The following DNAH14 variants were observed in gnomAD, a reference collection of about 807,000 sequenced individuals.
DNAH14 encodes the protein dynein axonemal heavy chain 14.
DNAH14 carries 478 observed loss-of-function variants against 520.9 expected under a neutral mutation model. The observed-to-expected ratio is 0.92, with a 90% CI of 0.85 to 0.99. The LOEUF (loss-of-function observed/expected upper bound fraction) is 0.99. Among genes scored for constraint, DNAH14 ranks in the 50% least tolerant of loss-of-function variants. The pLI, the probability that DNAH14 is intolerant of heterozygous loss-of-function variation, is 0.00. For synonymous variants in DNAH14, 1,581 were observed against 1,757.2 expected (o/e 0.90, Z 2.51); for missense variants, 4,831 against 5,234.5 (o/e 0.92, Z 2.38).
intron 11 of DNAH14, among the ~76,000 whole-genome samples, chr1:225,025,155 T>C (rs747605334): frequency 2.0e-5 from 3 of 150,596 alleles, no homozygotes; most frequent in Non-Finnish European, 4.4e-5. Flanking sequence ...CTAGGCAACA[T>C]GGCGAGACCC....
chr1:224,978,280 A>G (rs1246210475), intron 8 of DNAH14, among the ~76,000 whole-genome samples: 2 of 152,250 alleles, frequency 1.3e-5, no homozygotes, highest in East Asian at 3.8e-4. Flanking sequence ...CAACAGATGA[A>G]TGAAGACAAT....
chr1:225,391,763 G>A (rs758830323), intron 83 of DNAH14, among the ~76,000 whole-genome samples: 7 of 152,146 alleles, frequency 4.6e-5, no homozygotes, highest in Non-Finnish European at 1.0e-4. Flanking sequence ...TGGTGAGTTC[G>A]AGATGTTCTC....
chr1:225,080,610 A>G lies in DNAH14; in HGVS notation c.2998A>G (p.Lys1000Glu). The G allele has an allele frequency of 6.4e-7, 1 of 1,552,192 alleles. No homozygotes were observed. Among genetic ancestry groups the G allele is most frequent in the Non-Finnish European group, 8.7e-7 (1 of 1,147,100 alleles). Residue 1000 changes from lysine (K) to glutamate (E), a missense_variant, in exon 19 of 86, where the codon AAA (lysine) becomes GAA (glutamate). Coordinates refer to ENST00000682510, the MANE Select transcript of DNAH14 (RefSeq NM_001367479.1). ...CATTGAAGGTGACTTGACTTTGAGG[A>G]AAAAACTATGGGAAGCACAAGAGGA... is the stretch of plus-strand genomic sequence containing the variant. ...SDIEGDLTLR[K>E]KLWEAQEEWK...
chr1:225,214,303 G>A (rs1183711355), intron 41 of DNAH14, among the ~76,000 whole-genome samples: 2 of 152,146 alleles, frequency 1.3e-5, no homozygotes, highest in South Asian at 2.1e-4. Context: ...TGCTGGATTC[G>A]GTTTGCCAGT....
At chr1:225,370,225 T>G (rs972208557) in intron 77 of DNAH14, among the ~76,000 whole-genome samples, 7 of 152,082 alleles carry the variant, frequency 4.6e-5, no homozygotes, top group Non-Finnish European at 7.4e-5. Flanking sequence ...GAGGTTGCAG[T>G]GAGCTGAGAT....
rs1057371252 is a variant in DNAH14, at chr1:225,140,904, ACT to A, written c.4395_4396del (p.Arg1466AsnfsTer25). 2 of 1,551,170 alleles carry A rather than the reference ACT, an allele frequency of 1.3e-6. No homozygotes were observed. The highest frequency in any genetic ancestry group is 2.7e-5 in the African/African-American group (2 of 72,974). ...GACCTGGTAGTGCTGGATACTAGTAACTCTCGAACAAAAGCTATACTAGGGGC... is the reference window on the plus strand; with the variant it reads ...GACCTGGTAGTGCTGGATACTAGTAACTCGAACAAAAGCTATACTAGGGGC... On this transcript the variant is annotated frameshift_variant, in exon 28 of 86. Coordinates refer to ENST00000682510, the MANE Select transcript of DNAH14 (RefSeq NM_001367479.1). LOFTEE classifies it high-confidence loss of function.
At chr1:225,172,009 C>T (rs991956288) in intron 36 of DNAH14, among the ~76,000 whole-genome samples, 2 of 152,188 alleles carry the variant, frequency 1.3e-5, no homozygotes, top group Admixed American at 6.5e-5. Context: ...GAACCAACGA[C>T]AAAAACCACA....
At chr1:225,008,575 C>CTTTTTTTTTTTTTTTTTTTT (rs57331050) in intron 10 of DNAH14, among the ~76,000 whole-genome samples, 3 of 98,308 alleles carry the variant, frequency 3.1e-5, no homozygotes, top group African/African-American at 4.2e-5. Flanking sequence ...TTTTTCCTGA[C>CTTTTTTTTTTTTTTTTTTTT]TTTTTTTTTT....
chr1:225,200,821 T>C (rs1347808873), intron 38 of DNAH14, among the ~76,000 whole-genome samples: 2 of 152,166 alleles, frequency 1.3e-5, no homozygotes, highest in African/African-American at 4.8e-5. Context: ...GATATCCTGA[T>C]GACAGTGTGC....
chr1:225,339,279 C>G (rs1383056321), intron 68 of DNAH14, among the ~76,000 whole-genome samples: 3 of 152,078 alleles, frequency 2.0e-5, no homozygotes, highest in Non-Finnish European at 4.4e-5. Context: ...CCATTGCACT[C>G]CAGCCTGGGC....
At chr1:225,129,960 A>T (rs979200183) in intron 27 of DNAH14, among the ~76,000 whole-genome samples, 5 of 152,328 alleles carry the variant, frequency 3.3e-5, no homozygotes, top group African/African-American at 7.2e-5. Context: ...ATGAACTCAA[A>T]CAAATTTACA....
At chr1:224,947,756 A>T (rs138576726) in intron 1 of DNAH14, among the ~76,000 whole-genome samples, 1 of 151,968 alleles carries the variant, frequency 6.6e-6, no homozygotes, top group African/African-American at 2.4e-5. Flanking sequence ...CTTAACATTT[A>T]TTTCTTAATA....
chr1:225,060,060 T>A (rs1482856361), intron 17 of DNAH14, among the ~76,000 whole-genome samples: 1 of 152,040 alleles, frequency 6.6e-6, no homozygotes, highest in African/African-American at 2.4e-5. Context: ...TTTGCTGAAG[T>A]TGAATGTTGG....
At chr1:225,141,934 A>G (rs769295) in intron 28 of DNAH14, among the ~76,000 whole-genome samples, 11,113 of 152,220 alleles carry the variant, frequency 0.073, 636 homozygotes, top group East Asian at 0.24. Context: ...CAGTTAGCAT[A>G]AAAGTCCTTA....
chr1:225,093,706 G>A (rs547139438), intron 21 of DNAH14, among the ~76,000 whole-genome samples: 2 of 152,076 alleles, frequency 1.3e-5, no homozygotes, highest in Non-Finnish European at 2.9e-5. Context: ...TCTGTTTGTA[G>A]ACCATATGAT....
intron 9 of DNAH14, among the ~76,000 whole-genome samples, chr1:225,003,703 T>A (rs1247594959): frequency 6.6e-6 from 1 of 152,050 alleles, no homozygotes; most frequent in Non-Finnish European, 1.5e-5. Flanking sequence ...GGAGGAATTA[T>A]CACATAGATG....
chr1:225,047,670 T>A (rs2148274498), intron 15 of DNAH14, among the ~76,000 whole-genome samples: 1 of 152,366 alleles, frequency 6.6e-6, no homozygotes, highest in East Asian at 1.9e-4. Context: ...ACTGTACATG[T>A]AATTTCAGAA....
At chr1:225,188,688 A>G (rs1410051725) in intron 37 of DNAH14, among the ~76,000 whole-genome samples, 1 of 151,974 alleles carries the variant, frequency 6.6e-6, no homozygotes, top group Non-Finnish European at 1.5e-5. Flanking sequence ...GCAATTCCAT[A>G]TGAATTTAAG....
rs1001490821 is a variant in DNAH14, at chr1:225,232,700, C to T, written c.6518+1549C>T. 2.6e-5 allele frequency among the ~76,000 whole-genome samples: 4 copies of T among 152,180 alleles called. No homozygotes were observed. Among genetic ancestry groups the T allele is most frequent in the African/African-American group, 4.8e-5 (2 of 41,430 alleles). On this transcript the variant is annotated intron_variant, in intron 42 of 85. Coordinates refer to ENST00000682510, the MANE Select transcript of DNAH14 (RefSeq NM_001367479.1). This position sits in a 1 kb window ranked among gnomAD's most constrained non-coding sequence, Gnocchi z 4.2. ...TCTCCTGTATTTTGCCAAATATCAC[C>T]GATTCTTTGGTCTCAATTAAATGGT...
Sources: gnomAD v4.1 joint callset for allele counts (sites outside exome capture counted in the v4.1 genomes callset) on GRCh38, gnomAD v4.1.1 for gene constraint, Gnocchi (gnomAD v3.1) non-coding constraint, MANE v1.5 for transcripts, NCBI Gene and HGNC (gene_info 2026-07-23, HGNC 2026-07-21) for gene names.